Variants in MYO9B observed in about 807,000 individuals in gnomAD.
MYO9B encodes unconventional myosin-IXb.
MYO9B carries 71 observed loss-of-function variants against 229.5 expected under a neutral mutation model. The ratio of observed to expected loss-of-function variants is 0.31; its 90% CI spans 0.26 to 0.38. The LOEUF (loss-of-function observed/expected upper bound fraction) is 0.38, where lower values mean the gene tolerates loss of function less well. Among genes scored for constraint, MYO9B ranks in the 10% least tolerant of loss-of-function variants. MYO9B has a pLI of 1.00. For synonymous variants in MYO9B, 1,185 were observed against 1,235.8 expected (o/e 0.96, Z 0.86); for missense variants, 2,255 against 2,920.5 (o/e 0.77, Z 5.25).
At chr19:17,159,746 C>A (rs2072577558) in intron 8 of MYO9B, among the ~76,000 whole-genome samples, 1 of 152,240 alleles carries the variant, frequency 6.6e-6, no homozygotes, top group Non-Finnish European at 1.5e-5. Context: ...TTCTCACTAG[C>A]AATGGTTGGC....
intron 9 of MYO9B, 45 bp downstream of exon 9, chr19:17,162,511 A>G (rs1172263228): frequency 4.1e-6 from 6 of 1,478,106 alleles, no homozygotes; most frequent in African/African-American, 2.8e-5. Flanking sequence ...AGGGGAGGCC[A>G]CATCCTCACT....
chr19:17,154,481 G>C (rs1316673415), intron 6 of MYO9B, 66 bp downstream of exon 6: 51 of 1,260,842 alleles, frequency 4.0e-5, no homozygotes, highest in Non-Finnish European at 5.6e-5. Flanking sequence ...GCCCTTACCA[G>C]TCACTCTGAG....
chr19:17,094,224 G>A (rs1230693422), intron 1 of MYO9B, among the ~76,000 whole-genome samples: 7 of 152,112 alleles, frequency 4.6e-5, no homozygotes, highest in Non-Finnish European at 5.9e-5. Flanking sequence ...TAGTAGAGAC[G>A]GGATTTCTCC....
chr19:17,204,233 C>T (rs144288758), intron 30 of MYO9B, among the ~76,000 whole-genome samples: 3 of 152,100 alleles, frequency 2.0e-5, no homozygotes, highest in African/African-American at 7.2e-5. Context: ...CCAGTGTACC[C>T]TCTGCAAGGC....
intron 22 of MYO9B, among the ~76,000 whole-genome samples, chr19:17,196,258 T>C (rs2073042053): frequency 6.6e-6 from 1 of 150,542 alleles, no homozygotes; most frequent in Non-Finnish European, 1.5e-5. Context: ...AGGTGATGAA[T>C]GGAAGACAGA....
intron 20 of MYO9B, among the ~76,000 whole-genome samples, chr19:17,191,742 G>C (rs2072987425): frequency 6.6e-6 from 1 of 152,082 alleles, no homozygotes; most frequent in Non-Finnish European, 1.5e-5. Context: ...TTGAAAGGCT[G>C]AGGTGGGAGG....
chr19:17,209,852 C>A, intron 36 of MYO9B, 143 bp downstream of exon 36: 3 of 1,166,104 alleles, frequency 2.6e-6, no homozygotes, highest in East Asian at 2.5e-5. Context: ...CAGGACCTCC[C>A]ATGCCGAGGA....
At chr19:17,082,927 C>A (rs1167344606) in intron 1 of MYO9B, among the ~76,000 whole-genome samples, 1 of 151,852 alleles carries the variant, frequency 6.6e-6, no homozygotes, top group Non-Finnish European at 1.5e-5. Context: ...GCACTCCGCA[C>A]TCTCAATATC....
chr19:17,183,522 G>A (rs2072883887), intron 15 of MYO9B, among the ~76,000 whole-genome samples: 3 of 152,178 alleles, frequency 2.0e-5, no homozygotes, highest in African/African-American at 7.2e-5. Flanking sequence ...TTCCTAGCCA[G>A]CCCCTCCTAC....
chr19:17,202,965 G>A (rs1391212381), intron 29 of MYO9B, 82 bp downstream of exon 29: 7 of 1,507,784 alleles, frequency 4.6e-6, no homozygotes, highest in African/African-American at 2.8e-5. Flanking sequence ...GTCAATGTGC[G>A]CATGGGCCCG....
chr19:17,100,342 G>T (rs527767716), intron 1 of MYO9B, among the ~76,000 whole-genome samples: 1 of 151,844 alleles, frequency 6.6e-6, no homozygotes. Flanking sequence ...GTGTGGTGGC[G>T]CATGCCTATA....
chr19:17,145,821 G>T (rs2072402318), intron 3 of MYO9B, among the ~76,000 whole-genome samples: 1 of 152,154 alleles, frequency 6.6e-6, no homozygotes, highest in African/African-American at 2.4e-5. Context: ...GCGGACTCTG[G>T]CCTTTGCCAA....
chr19:17,084,170 T>C (rs573017698), intron 1 of MYO9B, among the ~76,000 whole-genome samples: 1 of 151,920 alleles, frequency 6.6e-6, no homozygotes, highest in East Asian at 2.0e-4. Context: ...TCCCCGTCTC[T>C]ACAAAAAAGA....
At chr19:17,192,343 C>T (rs990366792) in intron 20 of MYO9B, among the ~76,000 whole-genome samples, 1 of 150,506 alleles carries the variant, frequency 6.6e-6, no homozygotes, top group Non-Finnish European at 1.5e-5. Context: ...CCTGTAATCC[C>T]AGCATTTTTG....
At chr19:17,197,568 G>A (rs1409271777) in intron 22 of MYO9B, among the ~76,000 whole-genome samples, 1 of 152,128 alleles carries the variant, frequency 6.6e-6, no homozygotes, top group Non-Finnish European at 1.5e-5. Flanking sequence ...ATTCTCTGTA[G>A]GGTATTGAGT....
intron 22 of MYO9B, among the ~76,000 whole-genome samples, chr19:17,197,429 T>C (rs1461122925): frequency 6.6e-6 from 1 of 151,706 alleles, no homozygotes; most frequent in East Asian, 1.9e-4. Context: ...GATAGATAGA[T>C]AGATAGATAG....
Position 17,195,020 on chromosome 19 carries a change from G to A in MYO9B, c.3593G>A (p.Arg1198Lys). 1 of 1,613,180 alleles carries A rather than the reference G, an allele frequency of 6.2e-7. No individual in the cohort carries two copies. The highest frequency in any genetic ancestry group is 8.5e-7 in the Non-Finnish European group (1 of 1,179,884). The change falls in exon 22 of 40, where the codon AGA becomes AAA. Residue 1198 changes from arginine to lysine, a missense_variant. Physicochemically the swap from Arg to Lys is conservative, Grantham distance 26 (BLOSUM62 2). Coordinates refer to ENST00000682292, the MANE Select transcript of MYO9B (RefSeq NM_004145.4). The surrounding 1 kb of genome is among the most constrained non-coding windows in gnomAD (Gnocchi z 4.5). ...CTCCTGGAAGACAAAAAGGAGAGCAGAGAAGATGAAACCCTTCTAGTCGTA... is the reference window on the plus strand; with the variant it reads ...CTCCTGGAAGACAAAAAGGAGAGCAAAGAAGATGAAACCCTTCTAGTCGTA... Reference protein sequence around the residue: ...VSLLEDKKESREDETLLVVET... With the variant: ...VSLLEDKKESKEDETLLVVET...
intron 14 of MYO9B, among the ~76,000 whole-genome samples, chr19:17,178,140 T>C (rs773396614): frequency 2.8e-4 from 43 of 152,304 alleles, no homozygotes; most frequent in Non-Finnish European, 6.2e-4. Flanking sequence ...TGAAGGCCAC[T>C]CGCATATAGA....
At chr19:17,209,380 C>T (rs77816790) in intron 35 of MYO9B, among the ~76,000 whole-genome samples, 3,797 of 152,294 alleles carry the variant, frequency 0.025, 73 homozygotes, top group South Asian at 0.056. Context: ...AACAAGGAGG[C>T]GTGCAGAGAC....
Sources: gnomAD v4.1 joint callset for allele counts (sites outside exome capture counted in the v4.1 genomes callset) on GRCh38, gnomAD v4.1.1 for gene constraint, Gnocchi (gnomAD v3.1) non-coding constraint, MANE v1.5 for transcripts, NCBI Gene and HGNC (gene_info 2026-07-23, HGNC 2026-07-21) for gene names.